The following ABI3BP variants were observed in gnomAD, a reference collection of about 807,000 sequenced individuals.
ABI3BP encodes target of Nesh-SH3.
A neutral mutation model predicts 268.6 loss-of-function variants in ABI3BP; 216 were observed. That is an observed-to-expected ratio of 0.80 (90% CI 0.72 to 0.90). The LOEUF (loss-of-function observed/expected upper bound fraction) is 0.90. ABI3BP is among the 40% of genes least tolerant of loss of function. The pLI is 0.00. For missense variants in ABI3BP, 2,090 were observed against 2,182.4 expected, an observed-to-expected ratio of 0.96 and a Z score of 0.84; for synonymous variants, 730 against 730.0, an observed-to-expected ratio of 1.00 and a Z score of 0.00.
At chr3:100,938,079 A>C (rs564490366) in intron 1 of ABI3BP, among the ~76,000 whole-genome samples, 1 of 152,160 alleles carries the variant, frequency 6.6e-6, no homozygotes, top group Non-Finnish European at 1.5e-5. Context: ...CTCACTTATA[A>C]GTGGGGGCTA....
At chr3:100,830,063 C>T (rs528189415) in intron 32 of ABI3BP, among the ~76,000 whole-genome samples, 210 of 122,958 alleles carry the variant, frequency 1.7e-3, no homozygotes, top group Non-Finnish European at 2.8e-3. Context: ...AACAAGAACA[C>T]ACCCTTACCC....
chr3:100,925,314 G>A (rs1353673984), intron 2 of ABI3BP, among the ~76,000 whole-genome samples: 1 of 152,112 alleles, frequency 6.6e-6, no homozygotes, highest in Non-Finnish European at 1.5e-5. Context: ...AAGCTCCTAA[G>A]CAATAATCCT....
chr3:100,888,814 C>T (rs950137351), intron 4 of ABI3BP, among the ~76,000 whole-genome samples: 1 of 151,670 alleles, frequency 6.6e-6, no homozygotes, highest in Non-Finnish European at 1.5e-5. Context: ...TGTTTTATAG[C>T]ACTATCATTT....
intron 3 of ABI3BP, among the ~76,000 whole-genome samples, chr3:100,902,244 A>G (rs2050773438): frequency 6.6e-6 from 1 of 152,226 alleles, no homozygotes; most frequent in African/African-American, 2.4e-5. Context: ...GCATGAGTTC[A>G]CACACTGTAA....
chr3:100,767,215 A>T (rs544983981), intron 62 of ABI3BP, among the ~76,000 whole-genome samples: 4 of 152,356 alleles, frequency 2.6e-5, no homozygotes, highest in Admixed American at 1.3e-4. Flanking sequence ...TGTTGGGATT[A>T]CAGGCGTGAG....
intron 50 of ABI3BP, 85 bp downstream of exon 50, chr3:100,808,076 C>T (rs2152451223): frequency 8.7e-7 from 1 of 1,153,006 alleles, no homozygotes; most frequent in Non-Finnish European, 1.3e-6. Context: ...ACTCAATCTG[C>T]TATCATAACT....
chr3:100,935,332 T>G (rs758004086), intron 1 of ABI3BP, among the ~76,000 whole-genome samples: 1 of 152,110 alleles, frequency 6.6e-6, no homozygotes, highest in Non-Finnish European at 1.5e-5. Context: ...GTTCCACTGG[T>G]CTATATATCT....
At chr3:100,894,755 C>T (rs549389064) in intron 4 of ABI3BP, among the ~76,000 whole-genome samples, 18 of 151,616 alleles carry the variant, frequency 1.2e-4, no homozygotes, top group Admixed American at 2.6e-4. Context: ...CTGGCTAACA[C>T]GGTGAAACCC....
At chr3:100,945,583 A>T (rs1348466947) in intron 1 of ABI3BP, 1 of 435,818 alleles carries the variant, frequency 2.3e-6, no homozygotes, top group Non-Finnish European at 4.5e-6. Context: ...GACTTACATG[A>T]CATGTTCTCT....
At chr3:100,836,139 T>C (rs2098583942) in intron 27 of ABI3BP, among the ~76,000 whole-genome samples, 1 of 152,178 alleles carries the variant, frequency 6.6e-6, no homozygotes, top group Non-Finnish European at 1.5e-5. Flanking sequence ...GTAATAAATG[T>C]GATATTGCTT....
intron 14 of ABI3BP, among the ~76,000 whole-genome samples, chr3:100,857,301 T>C (rs2098950923): frequency 6.6e-6 from 1 of 152,186 alleles, no homozygotes; most frequent in Non-Finnish European, 1.5e-5. Context: ...CAAGATTTCA[T>C]TGTATTAAGG....
chr3:100,906,053 A>G (rs1330130623), intron 2 of ABI3BP, among the ~76,000 whole-genome samples: 1 of 152,202 alleles, frequency 6.6e-6, no homozygotes, highest in Non-Finnish European at 1.5e-5. Flanking sequence ...TCAGGAATTC[A>G]CTTTTAGAAA....
rs1259037799 is a variant in ABI3BP, at chr3:100,792,726, A to G, written c.3989T>C (p.Ile1330Thr). ...CTTTGCTAGTTCAGTTGTTCGTGGA[A>G]TCTTAGTTGTGAAAGGTTCTTGGGT... is the stretch of plus-strand genomic sequence containing the variant. ...QSTQEPFTTKIPRTTELAKTT... is the reference protein window; with the variant it reads ...QSTQEPFTTKTPRTTELAKTT... The change falls in exon 55 of 68, where the codon ATT (isoleucine) becomes ACT (threonine). Residue 1330 changes from isoleucine to threonine, a missense_variant. By Grantham distance (89) the Ile-to-Thr change is moderately conservative. Transcript: ENST00000471714. The G allele has an allele frequency of 3.7e-6, 6 of 1,611,706 alleles. No individual in the cohort carries two copies. Among genetic ancestry groups the G allele is most frequent in the Non-Finnish European group, 5.1e-6 (6 of 1,178,358 alleles).
intron 62 of ABI3BP, among the ~76,000 whole-genome samples, chr3:100,767,880 A>C (rs2096355809): frequency 1.3e-5 from 2 of 152,176 alleles, no homozygotes; most frequent in Non-Finnish European, 2.9e-5. Context: ...AGATTCCAAT[A>C]GGAAAGGTTC....
At chr3:100,991,010 G>A (rs909736586) in intron 1 of ABI3BP, among the ~76,000 whole-genome samples, 1 of 152,152 alleles carries the variant, frequency 6.6e-6, no homozygotes, top group Admixed American at 6.5e-5. Context: ...TTTATTTATT[G>A]TATAAATCTG....
At chr3:100,844,729 G>A (rs1434616459) in intron 20 of ABI3BP, among the ~76,000 whole-genome samples, 3 of 151,892 alleles carry the variant, frequency 2.0e-5, no homozygotes, top group Non-Finnish European at 4.4e-5. Context: ...CCATTTGAGG[G>A]CACAGGCCTA....
At chr3:100,841,846 C>T (rs959693972) in intron 21 of ABI3BP, among the ~76,000 whole-genome samples, 152 bp downstream of exon 21, 13 of 149,942 alleles carry the variant, frequency 8.7e-5, no homozygotes, top group Non-Finnish European at 1.6e-4. Context: ...GCTGAGATCA[C>T]GCCACTGCAC....
At chr3:100,966,784 T>C (rs2081459202) in intron 1 of ABI3BP, among the ~76,000 whole-genome samples, 1 of 152,172 alleles carries the variant, frequency 6.6e-6, no homozygotes. Flanking sequence ...TTATTTGAGA[T>C]GTCAGGATTG....
intron 6 of ABI3BP, among the ~76,000 whole-genome samples, chr3:100,880,150 T>C (rs1256967094): frequency 6.6e-6 from 1 of 152,210 alleles, no homozygotes; most frequent in African/African-American, 2.4e-5. Flanking sequence ...GCTATTAATG[T>C]ACATCAGAGT....
Sources: gnomAD v4.1 joint callset for allele counts (sites outside exome capture counted in the v4.1 genomes callset) on GRCh38, gnomAD v4.1.1 for gene constraint, MANE v1.5 for transcripts, NCBI Gene and HGNC (gene_info 2026-07-23, HGNC 2026-07-21) for gene names.